The following MMP26 variants were observed in gnomAD, a reference collection of about 807,000 sequenced individuals.
MMP26 encodes matrix metallopeptidase 26, also known as matrix metalloproteinase-26.
Under a neutral mutation model 31.0 loss-of-function variants are expected in MMP26, and 33 were observed. The ratio of observed to expected loss-of-function variants is 1.06; its 90% CI spans 0.81 to 1.42. The LOEUF (loss-of-function observed/expected upper bound fraction) is 1.42, where lower values mean the gene tolerates loss of function less well. Ranked by LOEUF, MMP26 falls within the 40% of genes most tolerant of loss-of-function variation. The probability of loss-of-function intolerance (pLI) is 0.00; values close to 1 mark genes in which losing one functional copy is unlikely to be tolerated. For missense variants in MMP26, 347 were observed against 316.1 expected, an observed-to-expected ratio of 1.10 and a Z score of -0.74; for synonymous variants, 122 against 114.9, an observed-to-expected ratio of 1.06 and a Z score of -0.40.
intron 2 of MMP26, chr11:4,871,755 A>C (rs2133527099): frequency 6.6e-6 from 1 of 152,202 alleles, no homozygotes; most frequent in South Asian, 2.1e-4. Context: ...GTTGGGGAAA[A>C]ATCTGAGGCC....
chr11:4,790,587 C>T (rs968604472), intron 2 of MMP26, among the ~76,000 whole-genome samples: 2 of 152,142 alleles, frequency 1.3e-5, no homozygotes, highest in Non-Finnish European at 2.9e-5. Context: ...GAGATCAAAT[C>T]AGGCGATAGT....
rs532326122 is a variant in MMP26 at position 4,734,575 on chromosome 11, G to A, written c.-217+29530G>A. Among the ~76,000 whole-genome samples, 12 of 152,176 alleles carry A rather than the reference G, an allele frequency of 7.9e-5. No homozygotes were observed. In the East Asian group the frequency reaches 1.2e-3, roughly 15 times the overall value. On this transcript the variant is annotated intron_variant, in intron 1 of 7. Coordinates refer to ENST00000380390, the MANE Select transcript of MMP26 (RefSeq NM_021801.5). ...AGCTTCATCCCACAGGTTTTGGTAC[G>A]CGGCGTCTTCACTTTCATTAATCTC...
intron 1 of MMP26, among the ~76,000 whole-genome samples, chr11:4,755,285 T>C (rs1848492502): frequency 6.6e-6 from 1 of 152,032 alleles, no homozygotes; most frequent in South Asian, 2.1e-4. Flanking sequence ...ATGGATATTC[T>C]AAATCCAGAA....
At chr11:4,911,621 T>C (rs1850993164) in intron 2 of MMP26, among the ~76,000 whole-genome samples, 1 of 152,136 alleles carries the variant, frequency 6.6e-6, no homozygotes, top group Non-Finnish European at 1.5e-5. Context: ...ATACTTGTTC[T>C]GCCATTCTGC....
chr11:4,900,013 G>A (rs1850776901), intron 2 of MMP26, among the ~76,000 whole-genome samples: 1 of 152,110 alleles, frequency 6.6e-6, no homozygotes, highest in African/African-American at 2.4e-5. Flanking sequence ...TATGTATAAT[G>A]ATTGTTGGTG....
chr11:4,730,354 A>G (rs998792829), intron 1 of MMP26, among the ~76,000 whole-genome samples: 1 of 151,430 alleles, frequency 6.6e-6, no homozygotes, highest in Admixed American at 6.6e-5. Context: ...GATGCAGAGA[A>G]AGAATTTCTC....
chr11:4,796,969 C>A (rs969770809), intron 2 of MMP26, among the ~76,000 whole-genome samples: 3 of 151,850 alleles, frequency 2.0e-5, no homozygotes, highest in African/African-American at 7.3e-5. Context: ...TGAGAGTGAG[C>A]GCTCCCAGAG....
intron 1 of MMP26, among the ~76,000 whole-genome samples, chr11:4,713,042 G>A (rs1214545161): frequency 1.3e-5 from 2 of 151,994 alleles, no homozygotes; most frequent in African/African-American, 4.8e-5. Flanking sequence ...GTTTGAGAAT[G>A]TCTTCTAAAT....
intron 2 of MMP26, chr11:4,882,903 C>A: frequency 6.3e-7 from 1 of 1,586,540 alleles, no homozygotes; most frequent in Non-Finnish European, 8.6e-7. Flanking sequence ...ATTGTCAGGA[C>A]ACGAATTATG....
intron 2 of MMP26, among the ~76,000 whole-genome samples, chr11:4,959,196 C>A (rs1183994110): frequency 2.1e-5 from 3 of 146,288 alleles, no homozygotes; most frequent in African/African-American, 7.7e-5. Flanking sequence ...TGAGATCTCG[C>A]CACCGCACTC....
At chr11:4,728,077 A>T (rs952543107) in intron 1 of MMP26, among the ~76,000 whole-genome samples, 2 of 152,228 alleles carry the variant, frequency 1.3e-5, no homozygotes, top group South Asian at 4.1e-4. Flanking sequence ...TAACTTGTAA[A>T]ATTCAGTAAT....
chr11:4,781,772 T>A (rs1344826920), intron 2 of MMP26, among the ~76,000 whole-genome samples: 1 of 152,072 alleles, frequency 6.6e-6, no homozygotes, highest in African/African-American at 2.4e-5. Flanking sequence ...GGGAGGGACC[T>A]GGTAGGAAGT....
At chr11:4,847,075 A>G (rs993870298) in intron 2 of MMP26, among the ~76,000 whole-genome samples, 1 of 152,198 alleles carries the variant, frequency 6.6e-6, no homozygotes, top group Non-Finnish European at 1.5e-5. Context: ...GGAATTACCT[A>G]CTAGGTTAGC....
chr11:4,723,086 A>C (rs1315914151), intron 1 of MMP26: 1 of 1,395,186 alleles, frequency 7.2e-7, no homozygotes, highest in African/African-American at 1.4e-5. Flanking sequence ...CTGTCACGGC[A>C]TGTTCTGCTT....
At chr11:4,895,452 G>T (rs537733477) in intron 2 of MMP26, among the ~76,000 whole-genome samples, 63 of 152,262 alleles carry the variant, frequency 4.1e-4, no homozygotes, top group African/African-American at 6.3e-4. Flanking sequence ...TCTGTTCTTT[G>T]CTGGGGCAGA....
intron 2 of MMP26, among the ~76,000 whole-genome samples, chr11:4,804,964 C>T (rs11604554): frequency 0.21 from 30,812 of 146,248 alleles, 3,601 homozygotes; most frequent in African/African-American, 0.31. Flanking sequence ...AGCGAAACCG[C>T]CTCAAAAAAA....
intron 2 of MMP26, among the ~76,000 whole-genome samples, chr11:4,838,165 A>G (rs991716702): frequency 8.6e-5 from 13 of 150,790 alleles, no homozygotes; most frequent in African/African-American, 3.2e-4. Flanking sequence ...AAAATACAAA[A>G]AAATTAGCCG....
intron 2 of MMP26, among the ~76,000 whole-genome samples, chr11:4,793,277 T>A (rs963995667): frequency 2.0e-5 from 3 of 152,212 alleles, no homozygotes; most frequent in Admixed American, 6.5e-5. Flanking sequence ...GAACTCAGTC[T>A]CTGGTGCAAA....
intron 2 of MMP26, among the ~76,000 whole-genome samples, chr11:4,934,499 C>T (rs1013849545): frequency 6.6e-5 from 9 of 135,736 alleles, no homozygotes; most frequent in African/African-American, 2.0e-4. Context: ...GAGTAGGTTG[C>T]AAAAATTTTC....
Sources: allele counts gnomAD v4.1 joint callset (sites outside exome capture counted in the v4.1 genomes callset), GRCh38; gene constraint gnomAD v4.1.1; transcripts MANE v1.5; gene names NCBI Gene and HGNC (gene_info 2026-07-23, HGNC 2026-07-21).